IQUB: variants seen among roughly 807,000 people sequenced by gnomAD.
The protein encoded by IQUB is IQ motif and ubiquitin domain containing.
Under a neutral mutation model 86.4 loss-of-function variants are expected in IQUB, and 86 were observed. The ratio of observed to expected loss-of-function variants is 1.00; its 90% CI spans 0.84 to 1.19. IQUB has a LOEUF of 1.19. Among genes scored for constraint, IQUB ranks in the 50% most tolerant of loss-of-function variants. The pLI, the probability that IQUB is intolerant of heterozygous loss-of-function variation, is 0.00. For synonymous variants in IQUB, 289 were observed against 304.5 expected, an observed-to-expected ratio of 0.95 and a Z score of 0.53; for missense variants, 946 against 916.9, an observed-to-expected ratio of 1.03 and a Z score of -0.41.
At chr7:123,462,429 A>ATATC (rs1023494992) in intron 10 of IQUB, among the ~76,000 whole-genome samples, 1 of 151,722 alleles carries the variant, frequency 6.6e-6, no homozygotes, top group Non-Finnish European at 1.5e-5. Context: ...TTTGTTCTGA[A>ATATC]TATCTATCTG....
intron 1 of IQUB, among the ~76,000 whole-genome samples, chr7:123,523,240 A>G (rs1797001655): frequency 1.4e-5 from 2 of 144,544 alleles, no homozygotes. Context: ...GGCTGGGTCA[A>G]TGGTATTTCT....
intron 11 of IQUB, 83 bp from the exon 12 acceptor site, chr7:123,457,649 ATAGAG>A: frequency 1.9e-6 from 2 of 1,031,000 alleles, no homozygotes; most frequent in Non-Finnish European, 2.9e-6. Flanking sequence ...TAATTAAATT[ATAGAG>A]TATTTTTAAG....
Position 123,457,486 on chromosome 7 carries a change from C to A in IQUB, c.2088G>T (p.Leu696=), listed in dbSNP as rs984890231. ...GGGATTTATTCCATCTGACCATGAC[C>A]AGATCACTGAGATTGTCGCAAGCAC... is the stretch of plus-strand genomic sequence containing the variant. ...VLSACDNLSD[L]VMVRWNKSLE... The change falls in exon 12 of 13, where the codon CTG becomes CTT. Residue 696 remains leucine, a synonymous_variant. Coordinates refer to ENST00000324698, the MANE Select transcript of IQUB (RefSeq NM_178827.5). 4 of 1,611,188 alleles carry A rather than the reference C, an allele frequency of 2.5e-6. No individual in the cohort carries two copies. Among genetic ancestry groups the A allele is most frequent in the Non-Finnish European group, 3.4e-6 (4 of 1,178,790 alleles).
At chr7:123,510,736 C>T (rs1796379364) in intron 2 of IQUB, among the ~76,000 whole-genome samples, 2 of 151,998 alleles carry the variant, frequency 1.3e-5, no homozygotes. Context: ...AATAACATGA[C>T]AAAATTTAAG....
At chr7:123,485,032 A>G (rs1360912249) in intron 7 of IQUB, among the ~76,000 whole-genome samples, 1 of 152,124 alleles carries the variant, frequency 6.6e-6, no homozygotes, top group Non-Finnish European at 1.5e-5. Context: ...AGGACAAGAG[A>G]GAGTCTGACT....
At chr7:123,490,809 A>G (rs1222858165) in intron 7 of IQUB, among the ~76,000 whole-genome samples, 3 of 152,256 alleles carry the variant, frequency 2.0e-5, no homozygotes, top group African/African-American at 7.2e-5. Context: ...TACTAAAAAT[A>G]CAAAATTAGC....
At position 123,509,990 on chromosome 7, in the gene IQUB, AAAGGTATT is replaced by A; in HGVS notation, c.435_442del (p.Ile146Ter). 1 of 1,595,494 alleles carries A rather than the reference AAAGGTATT, an allele frequency of 6.3e-7. No individual in the cohort carries two copies. Among genetic ancestry groups the A allele is most frequent in the Non-Finnish European group, 8.6e-7 (1 of 1,166,304 alleles). ...ATATTTAAGAATGGTATCAACCTTA[AAAGGTATT>A]ACAATTTCCTGGCCCACTGGAATAA... On this transcript the variant is annotated frameshift_variant, in exon 3 of 13. Transcript: ENST00000324698. LOFTEE classifies it high-confidence loss of function.
chr7:123,493,731 A>G (rs12154384), intron 7 of IQUB, among the ~76,000 whole-genome samples: 17,773 of 112,386 alleles, frequency 0.16, 1,343 homozygotes, highest in Non-Finnish European at 0.2. Context: ...ATGTGTGTGT[A>G]TGTGTGTGTG....
At chr7:123,467,951 G>A (rs1344009234) in intron 9 of IQUB, among the ~76,000 whole-genome samples, 1 of 152,204 alleles carries the variant, frequency 6.6e-6, no homozygotes, top group Non-Finnish European at 1.5e-5. Context: ...AGCTCCGCAG[G>A]CCAAGAGACC....
In IQUB at chr7:123,461,893, A is replaced by T. The variant is rs573140212; in HGVS notation, c.1759-288T>A. ...ACTTATAAAATTAATTGACTGAAAA[A>T]AATAGTAGGAAGAGGCTTTTTATTG... On this transcript the variant is annotated intron_variant, in intron 10 of 12. Transcript: ENST00000324698. 3.3e-5 allele frequency among the ~76,000 whole-genome samples: 5 copies of T among 151,938 alleles called. No individual in the cohort carries two copies. The South Asian group carries it at 1.0e-3, about 31-fold the overall frequency.
At position 123,457,451 on chromosome 7, in the gene IQUB, G is replaced by T; in HGVS notation, c.2123C>A (p.Ser708Tyr). ...GGTAAGAAGAATGCAGTTCCAGGGG[G>T]ACCACTCCAGGGATTTATTCCATCT... is the stretch of plus-strand genomic sequence containing the variant. ...MVRWNKSLEW[S>Y]PWNCILLTKD... is the part of the protein sequence containing the mutation. Residue 708 changes from serine (S) to tyrosine (Y), a missense_variant, in exon 12 of 13, where the codon TCC (serine) becomes TAC (tyrosine). By Grantham distance (144) the Ser-to-Tyr change is moderately radical (BLOSUM62 -2). Transcript: ENST00000324698. The T allele has an allele frequency of 6.2e-7, 1 of 1,611,992 alleles. No homozygotes were observed. Among genetic ancestry groups the T allele is most frequent in the South Asian group, 1.1e-5 (1 of 90,882 alleles).
rs910288089 is a variant in IQUB at position 123,503,060 on chromosome 7, G to A, written c.751C>T (p.Pro251Ser). The change falls in exon 5 of 13, where the codon CCA (proline) becomes TCA (serine). Residue 251 changes from proline (P) to serine (S), a missense_variant. Pro to Ser is a moderately conservative substitution (Grantham distance 74, BLOSUM62 -1). Transcript: ENST00000324698. ...VEIVKSDFHK[P>S]FLGGFRHKVT... Reference sequence around the variant, plus strand: ...TTATGTCTGAATCCACCAAGAAATGGTTTGTGAAAGTCAGATTTGACAATC... The same window carrying A: ...TTATGTCTGAATCCACCAAGAAATGATTTGTGAAAGTCAGATTTGACAATC... 1.9e-6 allele frequency: 3 copies of A among 1,613,350 alleles called. No individual in the cohort carries two copies. The highest frequency in any genetic ancestry group is 2.5e-6 in the Non-Finnish European group (3 of 1,179,612).
intron 2 of IQUB, among the ~76,000 whole-genome samples, chr7:123,511,271 T>C (rs1292973352): frequency 6.6e-6 from 1 of 152,148 alleles, no homozygotes; most frequent in Admixed American, 6.6e-5. Context: ...TCAAAACTCA[T>C]TCACAAGACG....
intron 1 of IQUB, among the ~76,000 whole-genome samples, chr7:123,514,607 T>C (rs1405025027): frequency 2.6e-5 from 4 of 152,218 alleles, no homozygotes; most frequent in East Asian, 1.9e-4. Context: ...TTTATTTGTA[T>C]AGACTTAGGG....
At chr7:123,486,872 T>TTATATATAATTTATTG (rs143597362) in intron 7 of IQUB, among the ~76,000 whole-genome samples, 41,365 of 152,010 alleles carry the variant, frequency 0.27, 5,803 homozygotes, top group East Asian at 0.33. Context: ...GGTAATAAGC[T>TTATATATAATTTATTG]TATTCAGCCT....
intron 1 of IQUB, 38 bp from the exon 2 acceptor site, chr7:123,512,382 G>A (rs747047616): frequency 2.3e-6 from 3 of 1,281,548 alleles, no homozygotes; most frequent in Non-Finnish European, 3.2e-6. Flanking sequence ...CTACATAGAT[G>A]AAGTTTCTAC....
chr7:123,492,185 G>T (rs1016971170), intron 7 of IQUB, among the ~76,000 whole-genome samples: 3 of 152,114 alleles, frequency 2.0e-5, no homozygotes, highest in Non-Finnish European at 4.4e-5. Flanking sequence ...ATAAATTTCT[G>T]TTATTTATAT....
chr7:123,503,420 G>T, intron 3 of IQUB, 57 bp from the exon 4 acceptor site: 1 of 920,482 alleles, frequency 1.1e-6, no homozygotes, highest in South Asian at 1.7e-5. Flanking sequence ...GCTATTCATT[G>T]ATCTTATTTT....
chr7:123,480,213 T>G (rs879389685), intron 7 of IQUB, among the ~76,000 whole-genome samples: 1 of 152,056 alleles, frequency 6.6e-6, no homozygotes, highest in Admixed American at 6.6e-5. Context: ...AAATTATAAC[T>G]CCAAGTGAGC....
Sources: gnomAD v4.1 joint callset for allele counts (sites outside exome capture counted in the v4.1 genomes callset) on GRCh38, gnomAD v4.1.1 for gene constraint, MANE v1.5 for transcripts, NCBI Gene and HGNC (gene_info 2026-07-23, HGNC 2026-07-21) for gene names.